The following TRIP12 variants were observed in gnomAD, a reference collection of about 807,000 sequenced individuals.
TRIP12 encodes thyroid hormone receptor interactor 12.
A neutral mutation model predicts 244.2 loss-of-function variants in TRIP12; 25 were observed. The observed-to-expected ratio is 0.10, with a 90% CI of 0.07 to 0.14. TRIP12 has a LOEUF of 0.14. Among genes scored for constraint, TRIP12 ranks in the 10% least tolerant of loss-of-function variants. TRIP12 has a pLI of 1.00. For synonymous variants in TRIP12, 905 were observed against 873.1 expected, an observed-to-expected ratio of 1.04 and a Z score of -0.64; for missense variants, 1,677 against 2,486.4, an observed-to-expected ratio of 0.67 and a Z score of 6.92.
chr2:229,858,623 C>T, intron 4 of TRIP12, 149 bp downstream of exon 4: 1 of 651,140 alleles, frequency 1.5e-6, no homozygotes, highest in Non-Finnish European at 2.5e-6. Context: ...TTACTACATG[C>T]TGTTATGTAC....
chr2:229,855,801 G>A lies in TRIP12; in HGVS notation c.1027+2971C>T, dbSNP rs150648600. 6.7e-3 allele frequency among the ~76,000 whole-genome samples: 1,026 copies of A among 152,144 alleles called. 6 individuals carry two copies. Among genetic ancestry groups the A allele is most frequent in the Middle Eastern group, 0.017 (5 of 294 alleles). On this transcript the variant is annotated intron_variant, in intron 4 of 41. Transcript: ENST00000675903. ...TCAGGCCTGTAATCCCAGCACTTTG[G>A]AAGGCTGAGGCGGGCAGATCACCTG...
intron 34 of TRIP12, among the ~76,000 whole-genome samples, chr2:229,781,831 A>G (rs2038274484): frequency 6.6e-6 from 1 of 152,142 alleles, no homozygotes; most frequent in Non-Finnish European, 1.5e-5. Flanking sequence ...AGTGCTTGTG[A>G]GGTAGGGGTG....
intron 4 of TRIP12, among the ~76,000 whole-genome samples, chr2:229,850,370 A>G (rs1267979390): frequency 2.6e-5 from 4 of 152,230 alleles, no homozygotes; most frequent in African/African-American, 9.6e-5. Flanking sequence ...TGGAACTTCT[A>G]AACTTTTAAG....
Position 229,798,958 on chromosome 2 carries a change from G to A in TRIP12, c.3399C>T (p.Asn1133=). The change falls in exon 23 of 42, where the codon AAC becomes AAT. Residue 1133 remains asparagine (N), a synonymous_variant. Transcript: ENST00000675903. ...KTWGRLSTQS[N]SNNIEPARTA... ...TCCGTGCTGGCTCAATGTTGTTGCT[G>A]TTGGACTGTGTACTTAACCTTCCCC... 1.2e-6 allele frequency: 2 copies of A among 1,614,220 alleles called. No homozygotes were observed. The highest frequency in any genetic ancestry group is 1.3e-5 in the African/African-American group (1 of 75,062).
chr2:229,874,504 C>T (rs2063245517), intron 2 of TRIP12, among the ~76,000 whole-genome samples: 1 of 152,104 alleles, frequency 6.6e-6, no homozygotes, highest in Admixed American at 6.5e-5. Context: ...AGGAAAAAAC[C>T]TAGAGGCCCA....
At chr2:229,772,830 T>A (rs1229532944) in intron 38 of TRIP12, among the ~76,000 whole-genome samples, 2 of 152,032 alleles carry the variant, frequency 1.3e-5, no homozygotes, top group Non-Finnish European at 2.9e-5. Flanking sequence ...GGTGATGAAG[T>A]TCTTCAGAGG....
intron 38 of TRIP12, chr2:229,773,747 G>A: frequency 5.2e-6 from 1 of 192,536 alleles, no homozygotes; most frequent in South Asian, 1.1e-4. Flanking sequence ...CACGGTGCCT[G>A]GAGTAAATTC....
chr2:229,796,528 A>C (rs940364697), intron 25 of TRIP12, 63 bp downstream of exon 25: 23 of 1,363,852 alleles, frequency 1.7e-5, no homozygotes, highest in Non-Finnish European at 2.2e-5. Context: ...TACTGAGATG[A>C]AAATATATGC....
At chr2:229,867,564 CTCTG>C (rs1207275549) in intron 2 of TRIP12, among the ~76,000 whole-genome samples, 1 of 152,084 alleles carries the variant, frequency 6.6e-6, no homozygotes, top group Non-Finnish European at 1.5e-5. Flanking sequence ...TTCTTTTTCT[CTCTG>C]TATTACAAGA....
intron 33 of TRIP12, 72 bp from the exon 34 acceptor site, chr2:229,785,927 C>G: frequency 7.4e-7 from 1 of 1,359,664 alleles, no homozygotes; most frequent in Non-Finnish European, 1.0e-6. Context: ...GGTGGCATTT[C>G]TTGAAATGCA....
chr2:229,796,020 C>T lies in TRIP12; in HGVS notation c.3816+571G>A, dbSNP rs572678137. Reference sequence around the variant, plus strand: ...TTCCAAGTGATGCCTTCTCTTTAAGCCACTGTAAAACAAGGAGAATGCTGT... The same window carrying T: ...TTCCAAGTGATGCCTTCTCTTTAAGTCACTGTAAAACAAGGAGAATGCTGT... On this transcript the variant is annotated intron_variant, in intron 25 of 41. Coordinates refer to ENST00000675903, the MANE Select transcript of TRIP12 (RefSeq NM_001348323.3). Among the ~76,000 whole-genome samples, 4 of 152,264 alleles carry T rather than the reference C, an allele frequency of 2.6e-5. No homozygotes were observed. The South Asian group carries it at 8.3e-4, about 32-fold the overall frequency.
At chr2:229,826,746 G>T (rs551491822) in intron 8 of TRIP12, among the ~76,000 whole-genome samples, 1 of 152,022 alleles carries the variant, frequency 6.6e-6, no homozygotes. Flanking sequence ...GTTGTAATGC[G>T]TATTTGTATA....
intron 4 of TRIP12, among the ~76,000 whole-genome samples, chr2:229,854,980 A>AAGGCTAGGCACAGTAGCT (rs2059341460): frequency 6.6e-6 from 1 of 152,162 alleles, no homozygotes. Context: ...TTGCCACACA[A>AAGGCTAGGCACAGTAGCT]AGGCTAGGCA....
intron 6 of TRIP12, among the ~76,000 whole-genome samples, chr2:229,833,391 G>T (rs140616881): frequency 6.6e-6 from 1 of 152,108 alleles, no homozygotes. Context: ...GGGCTCAAGC[G>T]ATCCTCCTGC....
chr2:229,859,721 C>T (rs529620327), intron 3 of TRIP12, 147 bp from the exon 4 acceptor site: 171 of 883,928 alleles, frequency 1.9e-4, no homozygotes, highest in African/African-American at 1.8e-3. Flanking sequence ...ATCTGTAAAA[C>T]GAAATAAAAG....
At chr2:229,847,752 G>A (rs1035676584) in intron 4 of TRIP12, among the ~76,000 whole-genome samples, 1 of 152,180 alleles carries the variant, frequency 6.6e-6, no homozygotes, top group Non-Finnish European at 1.5e-5. Flanking sequence ...CTGATAGGCT[G>A]TTTACAAGGC....
At chr2:229,782,152 C>T (rs2038411254) in intron 34 of TRIP12, among the ~76,000 whole-genome samples, 1 of 152,026 alleles carries the variant, frequency 6.6e-6, no homozygotes, top group Non-Finnish European at 1.5e-5. Context: ...CCTGCAGTCT[C>T]ATAAGTAACA....
chr2:229,803,378 T>C (rs2044977491), intron 20 of TRIP12, among the ~76,000 whole-genome samples, 193 bp downstream of exon 20: 1 of 152,232 alleles, frequency 6.6e-6, no homozygotes, highest in African/African-American at 2.4e-5. Flanking sequence ...CCTCCCAAAG[T>C]GCTGGGGTTA....
At chr2:229,831,063 T>G (rs1379019843) in intron 6 of TRIP12, 1 of 696,054 alleles carries the variant, frequency 1.4e-6, no homozygotes, top group Non-Finnish European at 2.6e-6. Flanking sequence ...ATTTTTATGC[T>G]TGTTTTTCAT....
Sources: gnomAD v4.1 joint callset for allele counts (sites outside exome capture counted in the v4.1 genomes callset) on GRCh38, gnomAD v4.1.1 for gene constraint, MANE v1.5 for transcripts, NCBI Gene and HGNC (gene_info 2026-07-23, HGNC 2026-07-21) for gene names.